Variants in TCF20 observed in about 807,000 individuals in gnomAD.
The protein encoded by TCF20 is transcription factor 20.
TCF20 carries 3 observed loss-of-function variants against 148.6 expected under a neutral mutation model. That is an observed-to-expected ratio of 0.02 (90% confidence interval 0.01 to 0.05). The LOEUF is 0.05. Ranked by LOEUF, TCF20 falls within the 10% of genes least tolerant of loss-of-function variation. The probability of loss-of-function intolerance (pLI) is 1.00; values close to 1 mark genes in which losing one functional copy is unlikely to be tolerated. For missense variants in TCF20, 2,350 were observed against 2,429.3 expected (o/e 0.97, Z 0.69); for synonymous variants, 1,049 against 909.5 (o/e 1.15, Z -2.76).
chr22:42,228,220 G>T (rs1030986257), intron 1 of TCF20, among the ~76,000 whole-genome samples: 3 of 152,212 alleles, frequency 2.0e-5, no homozygotes, highest in Non-Finnish European at 4.4e-5. Flanking sequence ...TTGGCTGCAT[G>T]GGTGAATGTG....
At chr22:42,252,639 C>T (rs60280585) in intron 1 of TCF20, among the ~76,000 whole-genome samples, 6,083 of 152,070 alleles carry the variant, frequency 0.04, 394 homozygotes, top group African/African-American at 0.14. Flanking sequence ...TTAGTAGAGA[C>T]GGGGCTTCAC....
At chr22:42,341,492 G>C (rs1330370382) in intron 1 of TCF20, among the ~76,000 whole-genome samples, 11 of 152,048 alleles carry the variant, frequency 7.2e-5, no homozygotes, top group Admixed American at 7.2e-4. Flanking sequence ...TAAGGACCTG[G>C]GCCCCTGAAC....
chr22:42,207,067 C>A (rs550080994), intron 2 of TCF20, among the ~76,000 whole-genome samples: 210 of 152,290 alleles, frequency 1.4e-3, no homozygotes, highest in African/African-American at 4.9e-3. Flanking sequence ...CTTTAGGGCA[C>A]AGAGCTTGGG....
intron 5 of TCF20, among the ~76,000 whole-genome samples, chr22:42,162,935 C>T (rs1935556323): frequency 6.6e-6 from 1 of 151,818 alleles, no homozygotes; most frequent in African/African-American, 2.4e-5. Flanking sequence ...ACAACATCAC[C>T]ACAGACAAGT....
intron 3 of TCF20, among the ~76,000 whole-genome samples, chr22:42,174,761 C>T (rs538446372): frequency 3.4e-4 from 51 of 151,622 alleles, no homozygotes; most frequent in Non-Finnish European, 4.6e-4. Context: ...CTTGGCCAGG[C>T]GCGGTGGCTC....
intron 1 of TCF20, among the ~76,000 whole-genome samples, chr22:42,261,746 C>G (rs1926039583): frequency 6.6e-6 from 1 of 152,192 alleles, no homozygotes; most frequent in Non-Finnish European, 1.5e-5. Flanking sequence ...GTAATCCCAG[C>G]ACTTTGGGAG....
rs756355107 is a variant in TCF20 at position 42,212,964 on chromosome 22, C to T, written c.2342G>A (p.Ser781Asn). The T allele has an allele frequency of 6.2e-7, 1 of 1,614,174 alleles. No individual in the cohort carries two copies. The highest frequency in any genetic ancestry group is 1.7e-5 in the Admixed American group (1 of 60,024). ...STQEHQGMAGSLEGTTRPNVL... is the reference protein window; with the variant it reads ...STQEHQGMAGNLEGTTRPNVL... ...ATTGGGCCTTGTGGTTCCTTCTAGG[C>T]TACCAGCCATCCCCTGATGCTCTTG... is the stretch of plus-strand genomic sequence containing the variant. Residue 781 changes from serine (S) to asparagine (N), a missense_variant, in exon 2 of 6, where the codon AGC becomes AAC. Transcript: ENST00000677622.
intron 1 of TCF20, among the ~76,000 whole-genome samples, chr22:42,321,101 C>T (rs1339857427): frequency 6.6e-6 from 1 of 152,372 alleles, no homozygotes; most frequent in African/African-American, 2.4e-5. Context: ...AAGCCGCGCG[C>T]AAGCAATTCA....
rs1479717557 is a variant in TCF20 at position 42,290,194 on chromosome 22, C to T, written c.-37+53285G>A. Among the ~76,000 whole-genome samples, 1 of 152,078 alleles carries T rather than the reference C, an allele frequency of 6.6e-6. No homozygotes were observed. The highest frequency in any genetic ancestry group is 1.9e-4 in the East Asian group (1 of 5,176). On this transcript the variant is annotated intron_variant, in intron 1 of 1. Transcript: ENST00000515426. This position sits in a 1 kb window ranked among gnomAD's most constrained non-coding sequence, Gnocchi z 4.2. ...GGCCAGGGCCAGAGGTGGGCCAGAG[C>T]CTGCAGCAGGGCCTGCCCCCTTCAT...
Position 42,215,096 on chromosome 22 carries a change from A to G in TCF20, c.210T>C (p.Ala70=). 1 of 1,614,184 alleles carries G rather than the reference A, an allele frequency of 6.2e-7. No homozygotes were observed. The highest frequency in any genetic ancestry group is 8.5e-7 in the Non-Finnish European group (1 of 1,180,022). ...RGAAAAAAAM[A]SETSGHQGYQ... ...AACCTTGATGGCCAGAGGTCTCGCT[A>G]GCCATCGCTGCCGCAGCAGCTGCTG... Residue 70 remains alanine, a synonymous_variant, in exon 2 of 6, where the codon GCT becomes GCC. Coordinates refer to ENST00000677622, the MANE Select transcript of TCF20 (RefSeq NM_001378418.1).
intron 3 of TCF20, among the ~76,000 whole-genome samples, chr22:42,174,826 G>C (rs1936342192): frequency 1.3e-5 from 2 of 152,066 alleles, no homozygotes; most frequent in Admixed American, 1.3e-4. Flanking sequence ...ACAAGGTCAG[G>C]AGATCGAGAC....
chr22:42,186,395 T>G (rs1400651414), intron 2 of TCF20, among the ~76,000 whole-genome samples: 1 of 152,206 alleles, frequency 6.6e-6, no homozygotes, highest in African/African-American at 2.4e-5. Flanking sequence ...AACTAGAAAG[T>G]TATGTAATTA....
intron 1 of TCF20, 125 bp from the exon 2 acceptor site, chr22:42,215,466 T>A: frequency 7.8e-7 from 1 of 1,289,618 alleles, no homozygotes; most frequent in South Asian, 1.8e-5. Flanking sequence ...TTTGAATTTC[T>A]ATTTTTTTTT....
At chr22:42,316,310 G>A (rs571112551) in intron 1 of TCF20, among the ~76,000 whole-genome samples, 1 of 152,152 alleles carries the variant, frequency 6.6e-6, no homozygotes, top group East Asian at 1.9e-4. Flanking sequence ...GAGTGGTGAT[G>A]AGAAGATGCT....
chr22:42,319,062 C>A (rs913663747), intron 1 of TCF20, among the ~76,000 whole-genome samples: 2 of 152,228 alleles, frequency 1.3e-5, no homozygotes, highest in Admixed American at 6.5e-5. Context: ...GACTCAGACA[C>A]AGCCCCACAT....
upstream of TCF20, among the ~76,000 whole-genome samples, chr22:42,272,601 T>C (rs1038375833): frequency 4.6e-5 from 7 of 152,180 alleles, no homozygotes; most frequent in African/African-American, 1.7e-4. Flanking sequence ...CTGCCTCTTA[T>C]AACCATGCAG....
chr22:42,315,465 G>C (rs1427769750), intron 1 of TCF20, among the ~76,000 whole-genome samples: 1 of 152,218 alleles, frequency 6.6e-6, no homozygotes, highest in African/African-American at 2.4e-5. Flanking sequence ...GCCCAGGCAG[G>C]TGGAATGGGC....
intron 1 of TCF20, among the ~76,000 whole-genome samples, chr22:42,235,983 C>A (rs1248212868): frequency 6.6e-6 from 1 of 152,174 alleles, no homozygotes; most frequent in African/African-American, 2.4e-5. Context: ...CACTTGAGGT[C>A]AGGAGTTCAA....
chr22:42,196,308 G>T (rs751554845), intron 2 of TCF20, among the ~76,000 whole-genome samples: 1 of 152,170 alleles, frequency 6.6e-6, no homozygotes, highest in South Asian at 2.1e-4. Flanking sequence ...GTTTTAAATC[G>T]ATGTGCTTTT....
Sources: allele counts gnomAD v4.1 joint callset (sites outside exome capture counted in the v4.1 genomes callset), GRCh38; gene constraint gnomAD v4.1.1; non-coding constraint Gnocchi (gnomAD v3.1); transcripts MANE v1.5; gene names NCBI Gene and HGNC (gene_info 2026-07-23, HGNC 2026-07-21).